MPHOSPH9: variants seen among roughly 807,000 people sequenced by gnomAD.
MPHOSPH9 encodes the protein M-phase phosphoprotein 9.
MPHOSPH9 carries 88 observed loss-of-function variants against 145.5 expected under a neutral mutation model. The ratio of observed to expected loss-of-function variants is 0.60; its 90% CI spans 0.51 to 0.72. The LOEUF (loss-of-function observed/expected upper bound fraction) is 0.72. MPHOSPH9 is among the 30% of genes least tolerant of loss of function. MPHOSPH9 has a pLI of 0.00. For synonymous variants in MPHOSPH9, 435 were observed against 486.2 expected, an observed-to-expected ratio of 0.89 and a Z score of 1.39; for missense variants, 1,238 against 1,386.6, an observed-to-expected ratio of 0.89 and a Z score of 1.70.
At chr12:123,166,888 T>G (rs2044344369) in intron 16 of MPHOSPH9, 99 bp from the exon 17 acceptor site, 1 of 1,199,364 alleles carries the variant, frequency 8.3e-7, no homozygotes, top group South Asian at 1.8e-5. Context: ...TATTTACACA[T>G]TTGTACACTA....
chr12:123,224,110 T>TTTTATATA (rs1555231852), intron 3 of MPHOSPH9, among the ~76,000 whole-genome samples: 3 of 120,414 alleles, frequency 2.5e-5, no homozygotes, highest in African/African-American at 6.3e-5. Flanking sequence ...AATTGCTAAT[T>TTTTATATA]TATATATATA....
chr12:123,163,857 G>C (rs1160947876), intron 19 of MPHOSPH9, 93 bp downstream of exon 19: 2 of 1,507,724 alleles, frequency 1.3e-6, no homozygotes, highest in Non-Finnish European at 1.8e-6. Flanking sequence ...GAGGATACAA[G>C]AGAAACCAGA....
At chr12:123,226,643 G>T (rs547940970) in intron 3 of MPHOSPH9, among the ~76,000 whole-genome samples, 9 of 150,996 alleles carry the variant, frequency 6.0e-5, no homozygotes, top group South Asian at 2.1e-4. Context: ...TTTATATATA[G>T]AGAGAGACAG....
At chr12:123,181,336 A>G (rs532534185) in intron 13 of MPHOSPH9, 126 bp from the exon 14 acceptor site, 4 of 694,934 alleles carry the variant, frequency 5.8e-6, no homozygotes, top group Non-Finnish European at 9.8e-6. Context: ...AGAAAGGTCA[A>G]TAGAGAACTG....
intron 11 of MPHOSPH9, among the ~76,000 whole-genome samples, chr12:123,201,290 C>T (rs1025690677): frequency 6.6e-6 from 1 of 152,228 alleles, no homozygotes; most frequent in Non-Finnish European, 1.5e-5. Flanking sequence ...TTTTAGTTCC[C>T]TCCTAAGCTC....
chr12:123,228,856 C>G lies in MPHOSPH9; in HGVS notation c.105-1240G>C, dbSNP rs559133030. On this transcript the variant is annotated intron_variant, in intron 2 of 23. Transcript: ENST00000606320. ...CACAGTTAGCTTCCTCCAGCCAAAT[C>G]AAACACTGTTCTAACAGGAATATCT... Among the ~76,000 whole-genome samples the G allele has an allele frequency of 2.4e-4, 37 of 152,318 alleles. No homozygotes were observed. In the South Asian group the frequency reaches 7.5e-3, roughly 31 times the overall value.
chr12:123,166,930 T>C, intron 16 of MPHOSPH9, 141 bp from the exon 17 acceptor site: 2 of 890,206 alleles, frequency 2.2e-6, no homozygotes, highest in East Asian at 5.8e-5. Flanking sequence ...ATCTATATTT[T>C]GGATACAATT....
intron 13 of MPHOSPH9, among the ~76,000 whole-genome samples, chr12:123,182,617 T>A: frequency 6.6e-6 from 1 of 151,620 alleles, no homozygotes; most frequent in East Asian, 1.9e-4. Context: ...TATTTAAAAA[T>A]ATATATATGT....
intron 7 of MPHOSPH9, among the ~76,000 whole-genome samples, chr12:123,213,702 TC>T (rs1231989704): frequency 6.6e-6 from 1 of 152,172 alleles, no homozygotes; most frequent in Admixed American, 6.6e-5. Context: ...CCATTGTAAT[TC>T]GAGGAACAAT....
chr12:123,162,755 A>G, intron 20 of MPHOSPH9: 1 of 362,828 alleles, frequency 2.8e-6, no homozygotes, highest in South Asian at 8.8e-5. Flanking sequence ...ACAAAGAACT[A>G]TCATTCTACA....
In MPHOSPH9 at chr12:123,214,927, GGAGAAACCTTCA is replaced by G; in HGVS notation, c.997-105_997-94del. ...GAGAGCCAGGCCTCAAACCAGGTGG[GGAGAAACCTTCA>G]GAGGGTTCAAAGAAGAAAGCCTGGC... On this transcript the variant is annotated intron_variant, in intron 6 of 23. Transcript: ENST00000606320. The G allele has an allele frequency of 3.9e-6, 4 of 1,021,888 alleles. No individual in the cohort carries two copies. In the South Asian group the frequency reaches 5.3e-5, roughly 13 times the overall value. 63.3% of individuals were successfully genotyped at this position (1,021,888 alleles called of 1,614,324 possible).
At chr12:123,215,098 C>T (rs1727321) in intron 6 of MPHOSPH9, among the ~76,000 whole-genome samples, 7 of 152,090 alleles carry the variant, frequency 4.6e-5, no homozygotes, top group African/African-American at 9.7e-5. Flanking sequence ...AAAAATTAGC[C>T]GGGCGCAGTG....
At chr12:123,225,498 A>C (rs2047403750) in intron 3 of MPHOSPH9, among the ~76,000 whole-genome samples, 1 of 140,244 alleles carries the variant, frequency 7.1e-6, no homozygotes, top group South Asian at 2.4e-4. Flanking sequence ...GAGGAGAAAA[A>C]GAAACAAAGA....
intron 13 of MPHOSPH9, among the ~76,000 whole-genome samples, chr12:123,187,800 T>A (rs2045511583): frequency 6.6e-6 from 1 of 152,152 alleles, no homozygotes; most frequent in East Asian, 1.9e-4. Flanking sequence ...GAGGATCAAG[T>A]TCAATTCCTA....
chr12:123,232,879 AGTCTAGAAAAGGCGCACCGCGGCC>A (rs1447083512), intron 1 of MPHOSPH9, 172 bp downstream of exon 1: 1 of 151,932 alleles, frequency 6.6e-6, no homozygotes, highest in Non-Finnish European at 1.5e-5. Flanking sequence ...AAGGGCGCCG[AGTCTAGAAAAGGCGCACCGCGGCC>A]GGGCAGAGCT....
At chr12:123,205,373 C>G (rs1242396648) in intron 8 of MPHOSPH9, among the ~76,000 whole-genome samples, 1 of 152,088 alleles carries the variant, frequency 6.6e-6, no homozygotes, top group Non-Finnish European at 1.5e-5. Flanking sequence ...TGGTGAAACC[C>G]CATCTCTACT....
intron 7 of MPHOSPH9, among the ~76,000 whole-genome samples, chr12:123,212,274 T>C (rs2046760761): frequency 6.6e-6 from 1 of 152,136 alleles, no homozygotes; most frequent in Non-Finnish European, 1.5e-5. Context: ...ATTTTAGCCA[T>C]GTATGAGGGA....
At chr12:123,186,022 C>T (rs2045427772) in intron 13 of MPHOSPH9, among the ~76,000 whole-genome samples, 1 of 151,612 alleles carries the variant, frequency 6.6e-6, no homozygotes, top group South Asian at 2.1e-4. Flanking sequence ...GTCAGGAGTT[C>T]GAGACCAGCC....
chr12:123,202,636 A>G lies in MPHOSPH9; in HGVS notation c.1769T>C (p.Val590Ala), dbSNP rs772264736. Residue 590 changes from valine (V) to alanine (A), a missense_variant, in exon 10 of 24, where the codon GTG (valine) becomes GCG (alanine). Physicochemically the swap from Val to Ala is moderately conservative, Grantham distance 64 (BLOSUM62 0). Transcript: ENST00000606320. The stretch of plus-strand genomic sequence containing the variant: ...CTGAAATACATACTTAGACAATATC[A>G]CAGGATCTTCCAAGGAAGTCAATGA... ...CISLTSLEDP[V>A]ILSKIRQNLK... 1 of 1,613,058 alleles carries G rather than the reference A, an allele frequency of 6.2e-7. No homozygotes were observed. Among genetic ancestry groups the G allele is most frequent in the East Asian group, 2.2e-5 (1 of 44,886 alleles).
Sources: allele counts gnomAD v4.1 joint callset (sites outside exome capture counted in the v4.1 genomes callset), GRCh38; gene constraint gnomAD v4.1.1; transcripts MANE v1.5; gene names NCBI Gene and HGNC (gene_info 2026-07-23, HGNC 2026-07-21).